The following PXDNL variants were observed in gnomAD, a reference collection of about 807,000 sequenced individuals.
The protein encoded by PXDNL is peroxidasin like.
A neutral mutation model predicts 150.8 loss-of-function variants in PXDNL; 145 were observed. That is an observed-to-expected ratio of 0.96 (90% CI 0.84 to 1.10). PXDNL has a LOEUF of 1.10. Among genes scored for constraint, PXDNL ranks in the 50% least tolerant of loss-of-function variants. The pLI, the probability that PXDNL is intolerant of heterozygous loss-of-function variation, is 0.00. For synonymous variants in PXDNL, 757 were observed against 725.7 expected (o/e 1.04, Z -0.69); for missense variants, 2,087 against 1,873.9 (o/e 1.11, Z -2.10).
chr8:51,631,329 T>C (rs146801278), intron 2 of PXDNL, among the ~76,000 whole-genome samples: 46 of 152,222 alleles, frequency 3.0e-4, no homozygotes, highest in Non-Finnish European at 4.1e-4. Flanking sequence ...ACCTATTGGG[T>C]ATGATGCTCA....
In PXDNL at chr8:51,371,857, T is replaced by C. The variant is rs375996034; in HGVS notation, c.3901+16A>G. ...TGCACATCAATCCAGATCGTGCTCATTGCATTATTACTGACCTGCACAGCA... is the reference window on the plus strand; with the variant it reads ...TGCACATCAATCCAGATCGTGCTCACTGCATTATTACTGACCTGCACAGCA... On this transcript the variant is annotated intron_variant, in intron 19 of 22. Transcript: ENST00000356297. The C allele has an allele frequency of 9.3e-6, 15 of 1,604,384 alleles. No homozygotes were observed. Among genetic ancestry groups the C allele is most frequent in the Non-Finnish European group, 1.3e-5 (15 of 1,171,926 alleles).
rs780998963 is a variant in PXDNL, at chr8:51,409,000, G to A, written c.2624C>T (p.Ser875Phe). ...TGCATAGACTGAATCCACCGTCGCA[G>A]AGGGACGGCCGCTGGCACACGCGGG... Reference protein sequence around the residue: ...SSPACASGRPSATVDSVYARE... With the variant: ...SSPACASGRPFATVDSVYARE... Residue 875 changes from serine to phenylalanine, a missense_variant, in exon 17 of 23, where the codon TCT becomes TTT. By Grantham distance (155) the Ser-to-Phe change is radical. Coordinates refer to ENST00000356297, the MANE Select transcript of PXDNL (RefSeq NM_144651.5). The A allele has an allele frequency of 4.3e-6, 7 of 1,611,322 alleles. No individual in the cohort carries two copies. Among genetic ancestry groups the A allele is most frequent in the Non-Finnish European group, 5.9e-6 (7 of 1,179,872 alleles).
At chr8:51,460,643 G>A (rs1810055498) in intron 8 of PXDNL, among the ~76,000 whole-genome samples, 1 of 151,568 alleles carries the variant, frequency 6.6e-6, no homozygotes. Flanking sequence ...TCCTGATCAG[G>A]TCCTAAAGAA....
chr8:51,319,741 A>G lies in PXDNL; in HGVS notation c.*150T>C, dbSNP rs116291347. The G allele has an allele frequency of 2.6e-3, 1,390 of 531,970 alleles. 16 individuals carry two copies. Among genetic ancestry groups the G allele is most frequent in the African/African-American group, 0.024 (1,194 of 50,754 alleles). The allele number at this position is 531,970 out of a possible 1,614,324, so 33.0% of individuals were successfully genotyped here. On this transcript the variant is annotated 3_prime_UTR_variant, in exon 23 of 23. Coordinates refer to ENST00000356297, the MANE Select transcript of PXDNL (RefSeq NM_144651.5). ...ATGTTAGAAAATGAAAAAATAAAAG[A>G]TCGTAAGTATATGTAAGATTAGATG... is the stretch of plus-strand genomic sequence containing the variant.
At chr8:51,710,740 A>C (rs1816481264) in intron 1 of PXDNL, among the ~76,000 whole-genome samples, 1 of 152,224 alleles carries the variant, frequency 6.6e-6, no homozygotes, top group African/African-American at 2.4e-5. Flanking sequence ...AATGTCTTCT[A>C]GGTTCGTCCA....
At chr8:51,704,233 T>A (rs913964858) in intron 1 of PXDNL, among the ~76,000 whole-genome samples, 1 of 152,274 alleles carries the variant, frequency 6.6e-6, no homozygotes, top group Non-Finnish European at 1.5e-5. Context: ...CACTATATAA[T>A]GTGGGATCAT....
intron 1 of PXDNL, among the ~76,000 whole-genome samples, chr8:51,744,109 A>AGAAG (rs2130959810): frequency 7.1e-6 from 1 of 141,746 alleles, no homozygotes; most frequent in African/African-American, 2.6e-5. Flanking sequence ...AAAGAAAGAA[A>AGAAG]GAAAGAAAGA....
At chr8:51,423,880 T>C (rs1410771345) in intron 13 of PXDNL, 149 bp from the exon 14 acceptor site, 3 of 588,018 alleles carry the variant, frequency 5.1e-6, no homozygotes. Flanking sequence ...ATGAATCTAG[T>C]GGAGAGAAGG....
chr8:51,538,721 G>A (rs1323348322), intron 4 of PXDNL, among the ~76,000 whole-genome samples: 3 of 152,076 alleles, frequency 2.0e-5, no homozygotes, highest in African/African-American at 7.2e-5. Flanking sequence ...AGCCGAGATC[G>A]TGCCAGTACA....
intron 2 of PXDNL, among the ~76,000 whole-genome samples, chr8:51,613,649 T>A (rs1483593258): frequency 2.0e-5 from 3 of 152,194 alleles, no homozygotes; most frequent in African/African-American, 7.2e-5. Flanking sequence ...GTTGACATAT[T>A]GTAACTAAAA....
chr8:51,472,282 C>A lies in PXDNL; in HGVS notation c.717G>T (p.Glu239Asp). Residue 239 changes from glutamate (E) to aspartate (D), a missense_variant, in exon 8 of 23, where the codon GAG (glutamate) becomes GAT (aspartate). Glu to Asp is a conservative substitution (Grantham distance 45, BLOSUM62 2). Transcript: ENST00000356297. Reference protein sequence around the residue: ...FNCQSPRITFEPQDVEVPSGN... With the variant: ...FNCQSPRITFDPQDVEVPSGN... ...CTGATGGTACCTCCACATCCTGCGGCTCAAAAGTAATTCGGGGGCTCTCTG... is the reference window on the plus strand; with the variant it reads ...CTGATGGTACCTCCACATCCTGCGGATCAAAAGTAATTCGGGGGCTCTCTG... 1.2e-6 allele frequency: 2 copies of A among 1,612,640 alleles called. No homozygotes were observed. Among genetic ancestry groups the A allele is most frequent in the South Asian group, 2.2e-5 (2 of 90,968 alleles).
intron 1 of PXDNL, among the ~76,000 whole-genome samples, chr8:51,700,103 G>A (rs945909168): frequency 2.0e-5 from 3 of 151,876 alleles, no homozygotes; most frequent in African/African-American, 7.3e-5. Context: ...CCTTCAACTT[G>A]TAAAAAATGC....
intron 14 of PXDNL, among the ~76,000 whole-genome samples, chr8:51,420,296 G>A (rs1324292213): frequency 6.6e-6 from 1 of 152,108 alleles, no homozygotes; most frequent in South Asian, 2.1e-4. Flanking sequence ...TGAATGAAAG[G>A]GTCTCAGTCA....
At chr8:51,434,638 T>C (rs1209166751) in intron 12 of PXDNL, among the ~76,000 whole-genome samples, 1 of 152,218 alleles carries the variant, frequency 6.6e-6, no homozygotes, top group Non-Finnish European at 1.5e-5. Context: ...TTTTTGGAAC[T>C]ACTAGGAAAT....
intron 19 of PXDNL, among the ~76,000 whole-genome samples, chr8:51,364,466 C>T (rs1806853208): frequency 6.6e-6 from 1 of 152,216 alleles, no homozygotes; most frequent in South Asian, 2.1e-4. Context: ...CAAGACTTCT[C>T]TGCTATCATA....
chr8:51,779,390 C>T (rs2037388335), intron 1 of PXDNL, among the ~76,000 whole-genome samples: 1 of 152,206 alleles, frequency 6.6e-6, no homozygotes, highest in Non-Finnish European at 1.5e-5. Flanking sequence ...CCAATCCAAA[C>T]AACCTGTCAC....
chr8:51,506,247 T>G (rs1031746048), intron 4 of PXDNL, among the ~76,000 whole-genome samples: 1 of 152,046 alleles, frequency 6.6e-6, no homozygotes, highest in African/African-American at 2.4e-5. Flanking sequence ...TAAATTAGAA[T>G]AGTTACAGAA....
At chr8:51,485,250 T>G (rs1299999602) in intron 5 of PXDNL, among the ~76,000 whole-genome samples, 1 of 152,106 alleles carries the variant, frequency 6.6e-6, no homozygotes, top group Admixed American at 6.6e-5. Flanking sequence ...AGATAAAAAG[T>G]TTTCCTGATC....
chr8:51,354,375 G>T (rs1253142475), intron 19 of PXDNL, among the ~76,000 whole-genome samples: 2 of 152,058 alleles, frequency 1.3e-5, no homozygotes, highest in African/African-American at 4.8e-5. Flanking sequence ...AAGTAGATTG[G>T]TAACAAGGAC....
Sources: allele counts gnomAD v4.1 joint callset (sites outside exome capture counted in the v4.1 genomes callset), GRCh38; gene constraint gnomAD v4.1.1; transcripts MANE v1.5; gene names NCBI Gene and HGNC (gene_info 2026-07-23, HGNC 2026-07-21).